The following CADM2 variants were observed in gnomAD, a reference collection of about 807,000 sequenced individuals.
CADM2 encodes immunoglobulin superfamily member 4D.
CADM2 carries 12 observed loss-of-function variants against 49.8 expected under a neutral mutation model. The observed-to-expected ratio is 0.24, with a 90% confidence interval of 0.15 to 0.39. CADM2 has a LOEUF of 0.39. Among genes scored for constraint, CADM2 ranks in the 10% least tolerant of loss-of-function variants. The pLI is 1.00. For missense variants in CADM2, 378 were observed against 492.3 expected (o/e 0.77, Z 2.20); for synonymous variants, 214 against 175.4 (o/e 1.22, Z -1.74).
chr3:85,627,343 T>A (rs2064157756), intron 1 of CADM2, among the ~76,000 whole-genome samples: 1 of 152,028 alleles, frequency 6.6e-6, no homozygotes, highest in Admixed American at 6.6e-5. Context: ...GTCCTGATTG[T>A]TTTCCTTATA....
intron 1 of CADM2, among the ~76,000 whole-genome samples, chr3:85,354,417 TG>T (rs1207016408): frequency 6.7e-6 from 1 of 150,094 alleles, no homozygotes; most frequent in Non-Finnish European, 1.5e-5. Flanking sequence ...GACGAGTTAA[TG>T]GGTGCAGCAC....
At chr3:85,535,988 T>C (rs965140724) in intron 1 of CADM2, among the ~76,000 whole-genome samples, 1 of 152,096 alleles carries the variant, frequency 6.6e-6, no homozygotes, top group Non-Finnish European at 1.5e-5. Context: ...GAATAAAACT[T>C]TGGGAGTCTT....
At chr3:85,509,727 A>T (rs1402396753) in intron 1 of CADM2, among the ~76,000 whole-genome samples, 1 of 152,136 alleles carries the variant, frequency 6.6e-6, no homozygotes, top group African/African-American at 2.4e-5. Context: ...AATGAATTAA[A>T]ACCGCTATAT....
intron 1 of CADM2, among the ~76,000 whole-genome samples, chr3:85,084,415 A>G (rs79773657): frequency 0.012 from 1,751 of 152,242 alleles, 30 homozygotes; most frequent in African/African-American, 0.04. Flanking sequence ...TCCAATTATC[A>G]CCTTGAACAG....
At chr3:85,923,119 G>A (rs537853197) in intron 6 of CADM2, among the ~76,000 whole-genome samples, 5 of 152,036 alleles carry the variant, frequency 3.3e-5, no homozygotes, top group South Asian at 2.1e-4. Context: ...CACCGCGCCC[G>A]GCCGAAACTA....
chr3:85,524,847 GT>G (rs1347475284), intron 1 of CADM2, among the ~76,000 whole-genome samples: 3 of 152,106 alleles, frequency 2.0e-5, no homozygotes, highest in Admixed American at 2.0e-4. Context: ...AATCCTTAGT[GT>G]TTTTATGTCC....
At chr3:85,007,214 C>T (rs1242570106) in intron 1 of CADM2, among the ~76,000 whole-genome samples, 2 of 151,984 alleles carry the variant, frequency 1.3e-5, no homozygotes, top group Admixed American at 1.3e-4. Context: ...AGGTAGTATT[C>T]AAGCTTGTAG....
rs570842971 is a variant in CADM2 at position 85,444,740 on chromosome 3, G to A, written c.62-281782G>A. On this transcript the variant is annotated intron_variant, in intron 1 of 9. Coordinates refer to ENST00000383699, the MANE Select transcript of CADM2 (RefSeq NM_001167675.2). The stretch of plus-strand genomic sequence containing the variant: ...TATGACTCTGAATTTTAGAAAATAA[G>A]CTCCATGAATGTCAGACTTTTTGTC... Among the ~76,000 whole-genome samples the A allele has an allele frequency of 1.8e-4, 27 of 152,092 alleles. 1 individual carries two copies. Among genetic ancestry groups the A allele is most frequent in the African/African-American group, 5.5e-4 (23 of 41,496 alleles).
chr3:85,584,689 A>G (rs1576866700), intron 1 of CADM2, among the ~76,000 whole-genome samples: 2 of 152,048 alleles, frequency 1.3e-5, no homozygotes, highest in African/African-American at 4.8e-5. Flanking sequence ...TGGAACGTGC[A>G]TTGTCTTTGT....
chr3:85,175,919 CTTTTTTT>C lies in CADM2; in HGVS notation c.61+216272_61+216278del, dbSNP rs11329456. Among the ~76,000 whole-genome samples, 260 of 76,268 alleles carry C rather than the reference CTTTTTTT, an allele frequency of 3.4e-3. 1 individual carries two copies. The highest frequency in any genetic ancestry group is 0.014 in the African/African-American group (231 of 16,436). The allele number at this position is 76,268 out of a possible 152,430, so 50.0% of individuals were successfully genotyped here. On this transcript the variant is annotated intron_variant, in intron 1 of 9. Coordinates refer to ENST00000383699, the MANE Select transcript of CADM2 (RefSeq NM_001167675.2). Reference sequence around the variant, plus strand: ...CAGTTTATCTGAGTTATGTCCTAATCTTTTTTTTTTTTTTTTTTTTTTTTTTTGAGAC... The same window carrying C: ...CAGTTTATCTGAGTTATGTCCTAATCTTTTTTTTTTTTTTTTTTTTGAGAC...
At chr3:85,003,191 C>G (rs1033243630) in intron 1 of CADM2, among the ~76,000 whole-genome samples, 4 of 151,982 alleles carry the variant, frequency 2.6e-5, no homozygotes, top group African/African-American at 9.7e-5. Flanking sequence ...AAATAGTGGT[C>G]TATTTTTCTA....
At chr3:85,383,156 C>A (rs944060304) in intron 1 of CADM2, among the ~76,000 whole-genome samples, 1 of 152,176 alleles carries the variant, frequency 6.6e-6, no homozygotes, top group African/African-American at 2.4e-5. Context: ...CATCTCACTT[C>A]CATCTTCTGT....
chr3:85,164,568 C>T (rs2040419189), intron 1 of CADM2, among the ~76,000 whole-genome samples: 1 of 152,012 alleles, frequency 6.6e-6, no homozygotes. Flanking sequence ...GGCAATGTTT[C>T]CTCCAATTCC....
At chr3:85,967,931 G>A (rs1313423260) in intron 8 of CADM2, among the ~76,000 whole-genome samples, 3 of 151,496 alleles carry the variant, frequency 2.0e-5, no homozygotes, top group Non-Finnish European at 3.0e-5. Context: ...TCTTTCACAT[G>A]GAAACAGACC....
intron 1 of CADM2, among the ~76,000 whole-genome samples, chr3:85,389,001 T>C (rs941684634): frequency 3.9e-5 from 6 of 152,186 alleles, no homozygotes; most frequent in Non-Finnish European, 5.9e-5. Context: ...CTCTCTCCTA[T>C]GATCGGAGAG....
intron 1 of CADM2, among the ~76,000 whole-genome samples, chr3:85,410,389 C>T (rs1170059287): frequency 1.3e-5 from 2 of 152,110 alleles, no homozygotes; most frequent in Non-Finnish European, 2.9e-5. Flanking sequence ...AACTCATTTC[C>T]ATTTTAAACC....
chr3:85,871,448 A>T (rs2075923562), intron 3 of CADM2, among the ~76,000 whole-genome samples: 1 of 152,136 alleles, frequency 6.6e-6, no homozygotes. Flanking sequence ...CTTGAATATA[A>T]TATTTAAGAG....
rs2107313728 is a variant in CADM2 at position 85,584,990 on chromosome 3, C to T, written c.62-141532C>T. On this transcript the variant is annotated intron_variant, in intron 1 of 9. Transcript: ENST00000383699. Reference sequence around the variant, plus strand: ...ACCCTTTAGCCGCGGTTTCACTTTCCATGGTTTCAGTTAACTGCCTTCAAC... The same window carrying T: ...ACCCTTTAGCCGCGGTTTCACTTTCTATGGTTTCAGTTAACTGCCTTCAAC... 2.0e-5 allele frequency among the ~76,000 whole-genome samples: 3 copies of T among 152,122 alleles called. No homozygotes were observed. The South Asian group carries it at 6.2e-4, about 32-fold the overall frequency.
chr3:85,719,685 C>A (rs1237654980), intron 1 of CADM2, among the ~76,000 whole-genome samples: 1 of 151,346 alleles, frequency 6.6e-6, no homozygotes, highest in Non-Finnish European at 1.5e-5. Flanking sequence ...GTTATTCTAT[C>A]TCAGGGATGG....
Sources: allele counts gnomAD v4.1 joint callset (sites outside exome capture counted in the v4.1 genomes callset), GRCh38; gene constraint gnomAD v4.1.1; transcripts MANE v1.5; gene names NCBI Gene and HGNC (gene_info 2026-07-23, HGNC 2026-07-21).